CPXM2: variants seen among roughly 807,000 people sequenced by gnomAD.
The protein encoded by CPXM2 is carboxypeptidase X, M14 family member 2.
In CPXM2, 66 loss-of-function variants were observed where a neutral mutation model predicts 86.1. That is an observed-to-expected ratio of 0.77 (90% CI 0.63 to 0.94). CPXM2 has a LOEUF of 0.94. Among genes scored for constraint, CPXM2 ranks in the 40% least tolerant of loss-of-function variants. CPXM2 has a pLI of 0.00. For missense variants in CPXM2, 948 were observed against 1,026.3 expected, an observed-to-expected ratio of 0.92 and a Z score of 1.04; for synonymous variants, 388 against 400.2, an observed-to-expected ratio of 0.97 and a Z score of 0.36.
At chr10:123,915,855 T>C (rs17618107) in intron 2 of CPXM2, among the ~76,000 whole-genome samples, 53,492 of 152,014 alleles carry the variant, frequency 0.35, 9,820 homozygotes, top group Middle Eastern at 0.56. Context: ...CTCAGGAAGC[T>C]GTTGCCCACT....
At chr10:123,923,062 CA>C (rs997429390) in intron 2 of CPXM2, among the ~76,000 whole-genome samples, 3 of 152,076 alleles carry the variant, frequency 2.0e-5, no homozygotes, top group Non-Finnish European at 4.4e-5. Context: ...ACTCCTGGTT[CA>C]GGGGGAAAAG....
At chr10:123,829,184 C>T (rs762199874) in intron 4 of CPXM2, among the ~76,000 whole-genome samples, 4 of 152,134 alleles carry the variant, frequency 2.6e-5, no homozygotes, top group Non-Finnish European at 4.4e-5. Flanking sequence ...CATTACGCAC[C>T]TGTCAGAATG....
chr10:123,761,846 C>T, intron 11 of CPXM2, 26 bp downstream of exon 11: 5 of 1,606,812 alleles, frequency 3.1e-6, no homozygotes, highest in Non-Finnish European at 4.2e-6. Flanking sequence ...CGCCCGCAGC[C>T]CACTCTCCCC....
rs376051008 is a variant in CPXM2 at position 123,832,648 on chromosome 10, G to A, written c.653+9701C>T. Reference sequence around the variant, plus strand: ...TCAAGACCAGTCTGACCAACATGGCGAAACCCCGTCCCTACTAAAAATAAA... The same window carrying A: ...TCAAGACCAGTCTGACCAACATGGCAAAACCCCGTCCCTACTAAAAATAAA... On this transcript the variant is annotated intron_variant, in intron 4 of 13. Transcript: ENST00000241305. 3.4e-4 allele frequency among the ~76,000 whole-genome samples: 52 copies of A among 152,094 alleles called. No homozygotes were observed. The Middle Eastern group carries it at 0.01, about 30-fold the overall frequency.
chr10:123,880,145 T>TGGCCCCCCCCC, intron 2 of CPXM2, 66 bp downstream of exon 2: 1 of 407,580 alleles, frequency 2.5e-6, no homozygotes, highest in East Asian at 4.9e-5. Flanking sequence ...CAGGGGCCTG[T>TGGCCCCCCCCC]ACCCACCCAC....
In CPXM2 at chr10:123,864,209, C is replaced by A. The variant is rs147756952; in HGVS notation, c.404-1486G>T. On this transcript the variant is annotated intron_variant, in intron 2 of 13. Transcript: ENST00000241305. ...ACACAGTCAGCATTCTCAGGAATAA[C>A]CGGTCTGTCCTGAGAGATCCCGCCC... Among the ~76,000 whole-genome samples, 23 of 152,224 alleles carry A rather than the reference C, an allele frequency of 1.5e-4. No homozygotes were observed. In the East Asian group the frequency reaches 4.3e-3, roughly 28 times the overall value.
At chr10:123,843,527 G>A (rs1054172790) in intron 3 of CPXM2, among the ~76,000 whole-genome samples, 17 of 142,756 alleles carry the variant, frequency 1.2e-4, no homozygotes, top group Admixed American at 1.1e-3. Flanking sequence ...TCCGCCTCCC[G>A]GGTTCACACC....
intron 1 of CPXM2, among the ~76,000 whole-genome samples, chr10:123,888,893 T>C (rs1945221070): frequency 6.6e-6 from 1 of 152,110 alleles, no homozygotes; most frequent in African/African-American, 2.4e-5. Flanking sequence ...AAGACGTGTT[T>C]TCAGTATGGG....
intron 4 of CPXM2, among the ~76,000 whole-genome samples, chr10:123,808,359 A>AAACAAC (rs57892592): frequency 0.015 from 2,307 of 150,282 alleles, 28 homozygotes; most frequent in African/African-American, 0.037. Flanking sequence ...GGGCAAACAA[A>AAACAAC]AACAACAACA....
At chr10:123,826,323 C>A (rs1012921577) in intron 4 of CPXM2, among the ~76,000 whole-genome samples, 1 of 152,130 alleles carries the variant, frequency 6.6e-6, no homozygotes, top group African/African-American at 2.4e-5. Flanking sequence ...CCAGTTCACT[C>A]ACAGGTAGAA....
At chr10:123,757,110 G>T (rs967123582) in intron 12 of CPXM2, 103 bp downstream of exon 12, 3 of 1,094,076 alleles carry the variant, frequency 2.7e-6, no homozygotes, top group Admixed American at 3.6e-5. Context: ...CCAGGATGAC[G>T]GCCAAGGTCT....
chr10:123,777,411 C>T (rs1846818667), intron 7 of CPXM2: 1 of 152,616 alleles, frequency 6.6e-6, no homozygotes, highest in Non-Finnish European at 1.5e-5. Context: ...CTCTCTCTCT[C>T]CCCAACTCAC....
intron 4 of CPXM2, among the ~76,000 whole-genome samples, chr10:123,823,345 G>C (rs1180787199): frequency 6.6e-6 from 1 of 152,126 alleles, no homozygotes; most frequent in African/African-American, 2.4e-5. Context: ...GGATATCTCA[G>C]GAAGAAAATG....
chr10:123,910,674 C>A (rs970318441), intron 2 of CPXM2, among the ~76,000 whole-genome samples: 4 of 152,268 alleles, frequency 2.6e-5, no homozygotes, highest in Admixed American at 6.5e-5. Context: ...GCTCACCCAA[C>A]TGCACCTAAG....
At chr10:123,859,122 G>A (rs778517878) in intron 3 of CPXM2, among the ~76,000 whole-genome samples, 8 of 152,172 alleles carry the variant, frequency 5.3e-5, no homozygotes, top group Non-Finnish European at 8.8e-5. Context: ...CCGGCACAGC[G>A]CTAGGCTAAA....
intron 13 of CPXM2, chr10:123,751,719 G>C (rs991277826): frequency 1.0e-6 from 1 of 985,256 alleles, no homozygotes; most frequent in Non-Finnish European, 1.2e-6. Context: ...AATAAAACTT[G>C]TCAGATCACA....
chr10:123,934,046 C>T (rs553466586), intron 2 of CPXM2, among the ~76,000 whole-genome samples: 68 of 152,142 alleles, frequency 4.5e-4, no homozygotes, highest in South Asian at 2.1e-4. Context: ...CTCCTGGAGC[C>T]GGGGTAAGTC....
intron 2 of CPXM2, among the ~76,000 whole-genome samples, chr10:123,878,990 T>A (rs1343524310): frequency 1.3e-5 from 2 of 152,126 alleles, no homozygotes; most frequent in Non-Finnish European, 2.9e-5. Flanking sequence ...ACAGCCACAG[T>A]GTGCACTGTG....
chr10:123,916,015 T>C (rs1945531740), intron 2 of CPXM2, among the ~76,000 whole-genome samples: 1 of 152,164 alleles, frequency 6.6e-6, no homozygotes, highest in Non-Finnish European at 1.5e-5. Flanking sequence ...CTTTGAAAGC[T>C]TGTGGATTCC....
Sources: allele counts gnomAD v4.1 joint callset (sites outside exome capture counted in the v4.1 genomes callset), GRCh38; gene constraint gnomAD v4.1.1; transcripts MANE v1.5; gene names NCBI Gene and HGNC (gene_info 2026-07-23, HGNC 2026-07-21).